Variants in KDM6A observed in about 807,000 individuals in gnomAD.
The protein encoded by KDM6A is lysine demethylase 6A.
A neutral mutation model predicts 117.6 loss-of-function variants in KDM6A; 11 were observed. That is an observed-to-expected ratio of 0.09 (90% CI 0.06 to 0.15). The LOEUF is 0.15. Ranked by LOEUF, KDM6A falls within the 10% of genes least tolerant of loss-of-function variation. The pLI is 1.00. For missense variants in KDM6A, 799 were observed against 1,077.3 expected, an observed-to-expected ratio of 0.74 and a Z score of 3.62; for synonymous variants, 384 against 396.1, an observed-to-expected ratio of 0.97 and a Z score of 0.36.
In KDM6A at chrX:44,873,616, A is replaced by G. The variant is rs760601613; in HGVS notation, c.65A>G (p.Glu22Gly). 8 of 1,203,395 alleles carry G rather than the reference A, an allele frequency of 6.6e-6. No individual in the cohort carries two copies. The highest frequency in any genetic ancestry group is 5.3e-5 in the South Asian group (3 of 56,155). Reference protein sequence around the residue: ...AAAAAAFGDEEKKMAAGKASG... With the variant: ...AAAAAAFGDEGKKMAAGKASG... Reference sequence around the variant, plus strand: ...GCCGCCGCCGCTTTCGGTGATGAGGAAAAGAAAATGGCGGCGGGAAAAGCG... The same window carrying G: ...GCCGCCGCCGCTTTCGGTGATGAGGGAAAGAAAATGGCGGCGGGAAAAGCG... Residue 22 changes from glutamate to glycine, a missense_variant, in exon 1 of 30, where the codon GAA (glutamate) becomes GGA (glycine). Coordinates refer to ENST00000611820, the MANE Select transcript of KDM6A (RefSeq NM_001291415.2).
intron 26 of KDM6A, 47 bp from the exon 27 acceptor site, chrX:45,090,676 T>A (rs375363151): frequency 8.4e-7 from 1 of 1,189,668 alleles, no homozygotes. Context: ...TATCTTCATA[T>A]CTTTTGGTAC....
At position 45,071,373 on chromosome X, in the gene KDM6A, A is replaced by G. The variant is rs1354837848; in HGVS notation, c.2858+1016A>G. Among the ~76,000 whole-genome samples the G allele has an allele frequency of 1.1e-4, 12 of 111,973 alleles. 1 individual carries two copies. The highest frequency in any genetic ancestry group is 3.9e-4 in the African/African-American group (12 of 30,828). On this transcript the variant is annotated intron_variant, in intron 18 of 29. Transcript: ENST00000611820. ...CTTTTACATTTTAAAGTTCAAAACA[A>G]TTCTTATTTATAGCCATATAAACCT...
At chrX:44,933,471 C>G in intron 2 of KDM6A, among the ~76,000 whole-genome samples, 1 of 108,375 alleles carries the variant, frequency 9.2e-6, no homozygotes. Flanking sequence ...GACAGGGTTA[C>G]GCTATGTTGG....
chrX:44,924,969 G>GT (rs1224713586), intron 2 of KDM6A, among the ~76,000 whole-genome samples: 5 of 111,623 alleles, frequency 4.5e-5, no homozygotes, highest in African/African-American at 1.6e-4. Context: ...GATTACAGGC[G>GT]TGAGCCACTG....
intron 6 of KDM6A, among the ~76,000 whole-genome samples, chrX:45,032,025 T>C (rs2042620769): frequency 9.0e-6 from 1 of 110,949 alleles, no homozygotes; most frequent in Admixed American, 9.6e-5. Context: ...AGAAAATCTC[T>C]ATAACATTAA....
Position 45,112,294 on chromosome X carries a change from T to C in KDM6A, c.*883T>C, listed in dbSNP as rs2148318047. 7.3e-6 allele frequency: 1 copy of C among 136,340 alleles called. No homozygotes were observed. The highest frequency in any genetic ancestry group is 3.2e-5 in the African/African-American group (1 of 31,566). The allele number at this position is 136,340 out of a possible 1,213,427, so 11.2% of individuals were successfully genotyped here. A position where few individuals can be genotyped will look rare whatever the true frequency, so the allele number is the denominator to read the frequency against. On this transcript the variant is annotated 3_prime_UTR_variant, in exon 30 of 30. Coordinates refer to ENST00000611820, the MANE Select transcript of KDM6A (RefSeq NM_001291415.2). ...GTTTTAAAAAAGACTTTATGTACAGTGCCCAGTTTTTGTTCATTTTTGAAA... is the reference window on the plus strand; with the variant it reads ...GTTTTAAAAAAGACTTTATGTACAGCGCCCAGTTTTTGTTCATTTTTGAAA...
At chrX:45,015,377 A>G (rs767973645) in intron 5 of KDM6A, among the ~76,000 whole-genome samples, 2 of 111,123 alleles carry the variant, frequency 1.8e-5, no homozygotes, top group Admixed American at 1.9e-4. Context: ...GGCCTTCCAA[A>G]GTGCTGGGAT....
chrX:45,063,763 C>T lies in KDM6A; in HGVS notation c.2025C>T (p.Asn675=), dbSNP rs758838190. 3 of 1,207,147 alleles carry T rather than the reference C, an allele frequency of 2.5e-6. No individual in the cohort carries two copies. Among genetic ancestry groups the T allele is most frequent in the South Asian group, 1.8e-5 (1 of 56,150 alleles). Residue 675 remains asparagine, a synonymous_variant, in exon 17 of 30, where the codon AAC becomes AAT. Coordinates refer to ENST00000611820, the MANE Select transcript of KDM6A (RefSeq NM_001291415.2). ...NALTLPHNRT[N]LTSSAEEPWK... ...TCACTCTACCTCATAACCGCACAAA[C>T]CTGACCAGCAGCGCAGAGGAGCCGT...
rs1355436859 is a variant in KDM6A, at chrX:44,873,665, C to G, written c.114C>G (p.Ser38=). The G allele has an allele frequency of 1.7e-6, 2 of 1,187,108 alleles. No homozygotes were observed. The highest frequency in any genetic ancestry group is 1.8e-5 in the South Asian group (1 of 54,564). Residue 38 remains serine, a synonymous_variant, in exon 1 of 30, where the codon TCC becomes TCG. Coordinates refer to ENST00000611820, the MANE Select transcript of KDM6A (RefSeq NM_001291415.2). ...CGAGCGGCGAGAGCGAGGAGGCGTC[C>G]CCCAGCCTGACAGCCGAGGAGAGGG... The part of the protein sequence containing the change: ...GKASGESEEA[S]PSLTAEEREA...
intron 2 of KDM6A, among the ~76,000 whole-genome samples, chrX:44,933,207 A>G (rs1038518497): frequency 3.9e-5 from 4 of 103,248 alleles, no homozygotes; most frequent in Non-Finnish European, 7.9e-5. Flanking sequence ...TTTCTAGATA[A>G]TGTGCTTATA....
intron 2 of KDM6A, among the ~76,000 whole-genome samples, chrX:44,899,246 TG>T (rs2034163853): frequency 1.0e-5 from 1 of 100,291 alleles, no homozygotes; most frequent in African/African-American, 3.7e-5. Context: ...TGTGTGTGTG[TG>T]TGTGTGTGTG....
intron 2 of KDM6A, among the ~76,000 whole-genome samples, chrX:44,915,009 G>A (rs1289990417): frequency 9.0e-6 from 1 of 111,207 alleles, no homozygotes; most frequent in African/African-American, 3.3e-5. Context: ...AGAAACATTT[G>A]GAGCTGGCTA....
intron 18 of KDM6A, among the ~76,000 whole-genome samples, chrX:45,071,706 G>A (rs1264811174): frequency 9.2e-6 from 1 of 108,520 alleles, no homozygotes; most frequent in African/African-American, 3.3e-5. Context: ...AAGAGTTTGA[G>A]TGTTAAAAAT....
intron 2 of KDM6A, among the ~76,000 whole-genome samples, chrX:44,911,235 C>T (rs1358529572): frequency 7.4e-5 from 8 of 107,520 alleles, no homozygotes; most frequent in Non-Finnish European, 1.6e-4. Context: ...CCGGACGGGG[C>T]GGCTGCCGGG....
intron 2 of KDM6A, among the ~76,000 whole-genome samples, chrX:44,938,249 C>T (rs2037092589): frequency 9.0e-6 from 1 of 111,659 alleles, no homozygotes; most frequent in Non-Finnish European, 1.9e-5. Context: ...CATGAGCCAC[C>T]GCACCTGACC....
At chrX:45,022,380 C>T (rs1312058154) in intron 6 of KDM6A, among the ~76,000 whole-genome samples, 4 of 111,515 alleles carry the variant, frequency 3.6e-5, no homozygotes, top group Non-Finnish European at 7.5e-5. Context: ...AGCAAAATTG[C>T]CTTAAGTGAG....
At chrX:44,963,483 G>GTGTGTGTGTGTCTGTC (rs1481840859) in intron 3 of KDM6A, among the ~76,000 whole-genome samples, 636 of 40,824 alleles carry the variant, frequency 0.016, 16 homozygotes, top group East Asian at 0.045. Context: ...GTGTGTGTGT[G>GTGTGTGTGTGTCTGTC]TGTCTGTCTG....
At position 45,111,453 on chromosome X, in the gene KDM6A, A is replaced by G; in HGVS notation, c.*42A>G. 1 of 1,091,691 alleles carries G rather than the reference A, an allele frequency of 9.2e-7. No individual in the cohort carries two copies. Among genetic ancestry groups the G allele is most frequent in the Non-Finnish European group, 1.3e-6 (1 of 787,397 alleles). The allele number at this position is 1,091,691 out of a possible 1,213,427, so 90.0% of individuals were successfully genotyped here. ...TTAAATGAGACCTTTTCTGCTATTCAGGAAATAACCCAGTTCTGCACCACT... is the reference window on the plus strand; with the variant it reads ...TTAAATGAGACCTTTTCTGCTATTCGGGAAATAACCCAGTTCTGCACCACT... On this transcript the variant is annotated 3_prime_UTR_variant, in exon 30 of 30. Coordinates refer to ENST00000611820, the MANE Select transcript of KDM6A (RefSeq NM_001291415.2).
intron 2 of KDM6A, among the ~76,000 whole-genome samples, chrX:44,883,511 T>A (rs2032520711): frequency 1.8e-5 from 2 of 110,839 alleles, no homozygotes; most frequent in Admixed American, 1.9e-4. Flanking sequence ...TAGCTAGGAT[T>A]ACAAGCGTGC....
Sources: gnomAD v4.1 joint callset for allele counts (sites outside exome capture counted in the v4.1 genomes callset) on GRCh38, gnomAD v4.1.1 for gene constraint, MANE v1.5 for transcripts, NCBI Gene and HGNC (gene_info 2026-07-23, HGNC 2026-07-21) for gene names.